Variants in TPRG1 observed in about 807,000 individuals in gnomAD.
TPRG1 encodes tumor protein p63 regulated 1, also known as tumor protein p63-regulated gene 1 protein.
TPRG1 carries 29 observed loss-of-function variants against 29.3 expected under a neutral mutation model. The observed-to-expected ratio is 0.99, with a 90% CI of 0.74 to 1.35. TPRG1 has a LOEUF of 1.35. Among genes scored for constraint, TPRG1 ranks in the 40% most tolerant of loss-of-function variants. The probability of loss-of-function intolerance (pLI) is 0.00; values close to 1 mark genes in which losing one functional copy is unlikely to be tolerated. For synonymous variants in TPRG1, 130 were observed against 116.8 expected (o/e 1.11, Z -0.73); for missense variants, 327 against 335.0 (o/e 0.98, Z 0.19).
chr3:189,128,940 C>CA (rs1722799005), intron 2 of TPRG1, among the ~76,000 whole-genome samples: 1 of 152,094 alleles, frequency 6.6e-6, no homozygotes, highest in Admixed American at 6.5e-5. Context: ...CGGCCCAACT[C>CA]AGTTATCTTT....
intron 3 of TPRG1, among the ~76,000 whole-genome samples, chr3:189,226,646 T>C (rs1737759803): frequency 6.7e-6 from 1 of 149,904 alleles, no homozygotes; most frequent in Non-Finnish European, 1.5e-5. Context: ...AAATGAAAAG[T>C]GAGTAGAAGA....
intron 4 of TPRG1, among the ~76,000 whole-genome samples, chr3:189,039,798 C>T (rs1714512792): frequency 6.6e-6 from 1 of 151,468 alleles, no homozygotes. Context: ...ATTCAGATGG[C>T]ACCTTGGAAA....
At chr3:189,275,899 C>T (rs774911689) in intron 4 of TPRG1, among the ~76,000 whole-genome samples, 7 of 152,042 alleles carry the variant, frequency 4.6e-5, no homozygotes, top group Non-Finnish European at 7.4e-5. Flanking sequence ...AATCTCATAC[C>T]TCAAAGTCTT....
At chr3:189,024,211 G>C (rs1713532592) in intron 4 of TPRG1, among the ~76,000 whole-genome samples, 1 of 152,220 alleles carries the variant, frequency 6.6e-6, no homozygotes, top group Admixed American at 6.5e-5. Flanking sequence ...TGGAGGCCCT[G>C]GCTGGGAGAA....
intron 1 of TPRG1, among the ~76,000 whole-genome samples, chr3:188,998,251 A>G (rs1288937991): frequency 2.0e-5 from 3 of 152,244 alleles, no homozygotes; most frequent in Non-Finnish European, 4.4e-5. Context: ...AAAATTGGGC[A>G]TTAAGGAAAG....
intron 4 of TPRG1, among the ~76,000 whole-genome samples, chr3:189,074,000 T>C (rs1716962965): frequency 6.6e-6 from 1 of 152,084 alleles, no homozygotes; most frequent in Non-Finnish European, 1.5e-5. Context: ...ACTCCTTTAT[T>C]AGTTTTTGGA....
chr3:189,018,370 C>T (rs1201563186), intron 3 of TPRG1, among the ~76,000 whole-genome samples: 30 of 149,650 alleles, frequency 2.0e-4, no homozygotes, highest in Admixed American at 9.4e-4. Flanking sequence ...TTAGGTCTAA[C>T]GTTTAAGTCT....
chr3:189,248,696 T>C (rs899186540), intron 4 of TPRG1, among the ~76,000 whole-genome samples: 4 of 151,256 alleles, frequency 2.6e-5, no homozygotes, highest in African/African-American at 4.8e-5. Flanking sequence ...GACCTGAGAA[T>C]AGATTGAAGT....
chr3:189,113,329 T>C (rs1473328935), intron 1 of TPRG1, among the ~76,000 whole-genome samples: 9 of 152,258 alleles, frequency 5.9e-5, no homozygotes, highest in South Asian at 2.1e-4. Flanking sequence ...CAAACAGGGA[T>C]AATTTGACTT....
At chr3:189,175,167 C>T (rs952184007) in intron 1 of TPRG1, among the ~76,000 whole-genome samples, 16 of 151,892 alleles carry the variant, frequency 1.1e-4, no homozygotes, top group African/African-American at 3.1e-4. Flanking sequence ...TATTTCAAGA[C>T]GAAGAAGAAA....
intron 3 of TPRG1, among the ~76,000 whole-genome samples, chr3:189,237,113 A>G (rs957447446): frequency 6.6e-6 from 1 of 152,212 alleles, no homozygotes; most frequent in African/African-American, 2.4e-5. Flanking sequence ...ATAAAGCTGC[A>G]GATTTCCACC....
At position 189,145,373 on chromosome 3, in the gene TPRG1, AC is replaced by A. The variant is rs1056434947; in HGVS notation, c.-290-2210del. 4.4e-4 allele frequency among the ~76,000 whole-genome samples: 67 copies of A among 151,056 alleles called. 1 individual carries two copies. In the East Asian group the frequency reaches 7.8e-3, roughly 18 times the overall value. ...GAGACTCCATCTAAAAAAAAAAAAA[AC>A]ATGCCAAACTAAAACAAAAATCAAA... is the stretch of plus-strand genomic sequence containing the variant. On this transcript the variant is annotated intron_variant, in intron 3 of 6. Transcript: ENST00000412373.
At chr3:189,152,676 G>A (rs548399562) in intron 5 of TPRG1, among the ~76,000 whole-genome samples, 84 of 149,156 alleles carry the variant, frequency 5.6e-4, no homozygotes, top group African/African-American at 1.8e-3. Context: ...ATTGGTACCC[G>A]CCATTATTAT....
chr3:189,125,961 TTTA>T (rs1336566665), intron 1 of TPRG1, among the ~76,000 whole-genome samples: 8 of 152,098 alleles, frequency 5.3e-5, no homozygotes, highest in African/African-American at 1.9e-4. Flanking sequence ...GCACTCCATC[TTTA>T]TTGTCTCATA....
In TPRG1 at chr3:189,271,478, A is replaced by G. The variant is rs139063707; in HGVS notation, c.479+32569A>G. ...TGTGAATATGTTGTTTCTTTACTGA[A>G]GGCCCTCAGTGGGTGCCAACATTCA... On this transcript the variant is annotated intron_variant, in intron 4 of 5. Transcript: ENST00000345063. 7.3e-3 allele frequency among the ~76,000 whole-genome samples: 1,106 copies of G among 152,362 alleles called. 9 individuals are homozygous for G. Among genetic ancestry groups the G allele is most frequent in the South Asian group, 0.017 (81 of 4,828 alleles).
intron 1 of TPRG1, among the ~76,000 whole-genome samples, chr3:189,204,704 G>A (rs1369305183): frequency 6.6e-6 from 1 of 152,174 alleles, no homozygotes; most frequent in Non-Finnish European, 1.5e-5. Context: ...GCAGATGTCT[G>A]TTGTTAGGCG....
At chr3:189,219,644 A>G (rs552421778) in intron 3 of TPRG1, 5 of 1,288,734 alleles carry the variant, frequency 3.9e-6, no homozygotes, top group South Asian at 2.5e-5. Context: ...TATGATGGCA[A>G]TAAAGTGGCT....
intron 3 of TPRG1, among the ~76,000 whole-genome samples, chr3:189,226,973 A>G (rs1737844529): frequency 6.6e-6 from 1 of 151,956 alleles, no homozygotes; most frequent in Non-Finnish European, 1.5e-5. Flanking sequence ...AAACAAACCA[A>G]TTTCGCAAAA....
At chr3:189,284,000 T>A (rs1220079457) in intron 4 of TPRG1, among the ~76,000 whole-genome samples, 1 of 152,182 alleles carries the variant, frequency 6.6e-6, no homozygotes, top group Non-Finnish European at 1.5e-5. Flanking sequence ...CCAGATTGTA[T>A]GAAAATCAGG....
Sources: allele counts gnomAD v4.1 joint callset (sites outside exome capture counted in the v4.1 genomes callset), GRCh38; gene constraint gnomAD v4.1.1; transcripts MANE v1.5; gene names NCBI Gene and HGNC (gene_info 2026-07-23, HGNC 2026-07-21).